The following LHFPL3 variants were observed in gnomAD, a reference collection of about 807,000 sequenced individuals.
The protein encoded by LHFPL3 is LHFPL tetraspan subfamily member 3, also known as LHFPL tetraspan subfamily member 3 protein.
A neutral mutation model predicts 19.3 loss-of-function variants in LHFPL3; 5 were observed. The ratio of observed to expected loss-of-function variants is 0.26; its 90% CI spans 0.14 to 0.54. The LOEUF (loss-of-function observed/expected upper bound fraction) is 0.54. LHFPL3 is among the 20% of genes least tolerant of loss of function. The probability of loss-of-function intolerance (pLI) is 0.94; values close to 1 mark genes in which losing one functional copy is unlikely to be tolerated. For missense variants in LHFPL3, 249 were observed against 307.4 expected, an observed-to-expected ratio of 0.81 and a Z score of 1.42; for synonymous variants, 133 against 126.2, an observed-to-expected ratio of 1.05 and a Z score of -0.36.
At chr7:104,897,129 TC>T (rs981877858) in intron 2 of LHFPL3, among the ~76,000 whole-genome samples, 4 of 152,174 alleles carry the variant, frequency 2.6e-5, no homozygotes, top group Non-Finnish European at 1.5e-5. Context: ...TCTATTTATT[TC>T]TGCATTTTAG....
intron 1 of LHFPL3, among the ~76,000 whole-genome samples, chr7:104,594,538 T>C (rs1418200307): frequency 1.3e-5 from 2 of 152,090 alleles, no homozygotes; most frequent in Non-Finnish European, 2.9e-5. Flanking sequence ...TCTGGAGGAG[T>C]ATCTTTGTGG....
intron 1 of LHFPL3, among the ~76,000 whole-genome samples, chr7:104,330,506 A>G (rs1174230607): frequency 6.6e-6 from 1 of 152,202 alleles, no homozygotes; most frequent in African/African-American, 2.4e-5. Flanking sequence ...GTTAAGGTTC[A>G]TAGTCCTATA....
intron 1 of LHFPL3, chr7:104,469,971 T>C (rs150107378): frequency 1.3e-5 from 6 of 455,910 alleles, no homozygotes; most frequent in African/African-American, 1.2e-4. Context: ...AAATAGGTGG[T>C]TGCGCTTGAA....
At chr7:104,795,268 C>G (rs569336756) in intron 2 of LHFPL3, among the ~76,000 whole-genome samples, 1 of 152,160 alleles carries the variant, frequency 6.6e-6, no homozygotes, top group Non-Finnish European at 1.5e-5. Flanking sequence ...ATGCACATCA[C>G]GAGCTGCCAC....
rs745895032 is a variant in LHFPL3 at position 104,328,800 on chromosome 7, T to TGCCGCCGCC, written c.33_41dup (p.Ala12_Ala14dup). The TGCCGCCGCC allele has an allele frequency of 3.0e-5, 47 of 1,592,182 alleles. No homozygotes were observed. The highest frequency in any genetic ancestry group is 1.9e-4 in the African/African-American group (14 of 72,638). On this transcript the variant is annotated inframe_insertion, in exon 1 of 3. Transcript: ENST00000424859. The surrounding 1 kb of genome is among the most constrained non-coding windows in gnomAD (Gnocchi z 4.6). ...GGAGAATGCCCGGAGCCGCCGCCGC[T>TGCCGCCGCC]GCCGCCGCCGCCGCCGCCGCGATGC...
At chr7:104,593,725 G>T (rs909182352) in intron 1 of LHFPL3, among the ~76,000 whole-genome samples, 4 of 152,160 alleles carry the variant, frequency 2.6e-5, no homozygotes, top group Non-Finnish European at 5.9e-5. Context: ...GGGCACTCCT[G>T]TATTGGGTGC....
At chr7:104,547,309 AATC>A (rs566371252) in intron 1 of LHFPL3, among the ~76,000 whole-genome samples, 305 of 151,706 alleles carry the variant, frequency 2.0e-3, no homozygotes, top group Non-Finnish European at 3.6e-3. Context: ...AACAATAATT[AATC>A]ATCCTACTTC....
intron 1 of LHFPL3, among the ~76,000 whole-genome samples, chr7:104,561,222 A>G (rs563334977): frequency 6.7e-6 from 1 of 149,754 alleles, no homozygotes; most frequent in Non-Finnish European, 1.5e-5. Flanking sequence ...GCTGAGTTCA[A>G]TTCCTGGGTA....
intron 1 of LHFPL3, among the ~76,000 whole-genome samples, chr7:104,511,913 C>T (rs41054): frequency 0.5 from 75,123 of 149,474 alleles, 19,252 homozygotes; most frequent in African/African-American, 0.59. Flanking sequence ...CTGGTTCTAA[C>T]GTTCTAATAG....
At chr7:104,597,732 C>T (rs1790891047) in intron 1 of LHFPL3, among the ~76,000 whole-genome samples, 1 of 152,160 alleles carries the variant, frequency 6.6e-6, no homozygotes, top group Non-Finnish European at 1.5e-5. Context: ...AGTGACATTG[C>T]TGGCTTCTGC....
chr7:104,632,806 C>T lies in LHFPL3; in HGVS notation c.446-103869C>T, dbSNP rs77195147. 4.5e-3 allele frequency among the ~76,000 whole-genome samples: 678 copies of T among 152,252 alleles called. 41 individuals are homozygous for T. The East Asian group carries it at 0.11, about 25-fold the overall frequency. On this transcript the variant is annotated intron_variant, in intron 1 of 2. Transcript: ENST00000424859. ...GGACTACAGGTGCGCAGCACCACAC[C>T]CAAAAATACAGTAATTTTTTGCATT...
At chr7:104,554,961 C>T (rs1439936998) in intron 1 of LHFPL3, among the ~76,000 whole-genome samples, 1 of 152,142 alleles carries the variant, frequency 6.6e-6, no homozygotes, top group African/African-American at 2.4e-5. Flanking sequence ...AGATGGTGTC[C>T]CAGCTCCAGG....
intron 1 of LHFPL3, among the ~76,000 whole-genome samples, chr7:104,629,340 C>T (rs1417297241): frequency 6.6e-6 from 1 of 152,130 alleles, no homozygotes; most frequent in Non-Finnish European, 1.5e-5. Context: ...GGAAAGTTGG[C>T]TACTAGATTG....
chr7:104,885,459 G>A lies in LHFPL3; in HGVS notation c.683-20728G>A, dbSNP rs758121114. Among the ~76,000 whole-genome samples, 65 of 152,070 alleles carry A rather than the reference G, an allele frequency of 4.3e-4. 1 individual carries two copies. The highest frequency in any genetic ancestry group is 1.9e-4 in the Non-Finnish European group (13 of 68,024). ...AAAGTTTCTCTTGTTCCCCATCTCAGTAAATAGGACCCCACTCACTCAGAT... is the reference window on the plus strand; with the variant it reads ...AAAGTTTCTCTTGTTCCCCATCTCAATAAATAGGACCCCACTCACTCAGAT... On this transcript the variant is annotated intron_variant, in intron 2 of 2. Transcript: ENST00000424859.
At chr7:104,374,251 T>C (rs1790667159) in intron 1 of LHFPL3, among the ~76,000 whole-genome samples, 1 of 151,824 alleles carries the variant, frequency 6.6e-6, no homozygotes, top group Non-Finnish European at 1.5e-5. Context: ...TATACATATA[T>C]ATTTTTTTTA....
chr7:104,350,769 A>G (rs1282094750), intron 1 of LHFPL3, among the ~76,000 whole-genome samples: 1 of 152,154 alleles, frequency 6.6e-6, no homozygotes, highest in African/African-American at 2.4e-5. Flanking sequence ...GCCGAGCACA[A>G]TGGCTCTCAC....
intron 1 of LHFPL3, among the ~76,000 whole-genome samples, chr7:104,609,278 G>A (rs1169439218): frequency 2.7e-5 from 4 of 150,286 alleles, no homozygotes; most frequent in African/African-American, 7.3e-5. Context: ...AAAAAGAAAA[G>A]AAAAAAAAAG....
At chr7:104,391,654 C>T (rs1791071215) in intron 1 of LHFPL3, among the ~76,000 whole-genome samples, 1 of 152,040 alleles carries the variant, frequency 6.6e-6, no homozygotes, top group Admixed American at 6.6e-5. Flanking sequence ...CTTAGGATTG[C>T]CTTGACAATG....
At chr7:104,389,218 T>C (rs1399463033) in intron 1 of LHFPL3, among the ~76,000 whole-genome samples, 1 of 152,166 alleles carries the variant, frequency 6.6e-6, no homozygotes, top group African/African-American at 2.4e-5. Context: ...ATTGTATTTC[T>C]GTACACTAGT....
Sources: gnomAD v4.1 joint callset for allele counts (sites outside exome capture counted in the v4.1 genomes callset) on GRCh38, gnomAD v4.1.1 for gene constraint, Gnocchi (gnomAD v3.1) non-coding constraint, MANE v1.5 for transcripts, NCBI Gene and HGNC (gene_info 2026-07-23, HGNC 2026-07-21) for gene names.